The following SHBG variants were observed in gnomAD, a reference collection of about 807,000 sequenced individuals.
The protein encoded by SHBG is sex hormone binding globulin.
Under a neutral mutation model 41.9 loss-of-function variants are expected in SHBG, and 37 were observed. The ratio of observed to expected loss-of-function variants is 0.88; its 90% CI spans 0.68 to 1.16. The LOEUF (loss-of-function observed/expected upper bound fraction) is 1.16, where lower values mean the gene tolerates loss of function less well. Among genes scored for constraint, SHBG ranks in the 50% most tolerant of loss-of-function variants. The probability of loss-of-function intolerance (pLI) is 0.00; values close to 1 mark genes in which losing one functional copy is unlikely to be tolerated. For synonymous variants in SHBG, 217 were observed against 205.8 expected (o/e 1.05, Z -0.47); for missense variants, 466 against 499.9 (o/e 0.93, Z 0.65).
Position 7,633,365 on chromosome 17 carries a change from G to C in SHBG, c.*13G>C, listed in dbSNP as rs1048151295. ...CGCTTCCCATTAAAGCTCCACCTAAGAACCCCCTTTGAAAGTTACTGATTA... is the reference window on the plus strand; with the variant it reads ...CGCTTCCCATTAAAGCTCCACCTAACAACCCCCTTTGAAAGTTACTGATTA... On this transcript the variant is annotated 3_prime_UTR_variant, in exon 8 of 8. Transcript: ENST00000380450. 6.2e-6 allele frequency: 10 copies of C among 1,612,298 alleles called. No individual in the cohort carries two copies. The highest frequency in any genetic ancestry group is 1.3e-5 in the African/African-American group (1 of 74,516).
intron 3 of SHBG, 109 bp from the exon 4 acceptor site, chr17:7,631,091 G>T: frequency 8.4e-7 from 1 of 1,192,086 alleles, no homozygotes; most frequent in South Asian, 1.6e-5. Flanking sequence ...AAGGATGCTA[G>T]CTGCTTCTTT....
chr17:7,628,102 C>T (rs952154653), upstream of SHBG: 1 of 464,178 alleles, frequency 2.2e-6, no homozygotes, highest in South Asian at 1.5e-5. Flanking sequence ...TTGACATATG[C>T]AGTGATAACC....
At position 7,630,551 on chromosome 17, in the gene SHBG, C is replaced by T; in HGVS notation, c.203+44C>T. On this transcript the variant is annotated intron_variant, in intron 2 of 7. Transcript: ENST00000380450. The surrounding 1 kb of genome is among the most constrained non-coding windows in gnomAD (Gnocchi z 4.6). ...CCTTGACCCAGTCCCCTGGTTCTGC[C>T]CTCTCTCCATCAGCTCTTCTCTTTT... is the stretch of plus-strand genomic sequence containing the variant. 6.4e-7 allele frequency: 1 copy of T among 1,571,740 alleles called. No individual in the cohort carries two copies. The highest frequency in any genetic ancestry group is 8.8e-7 in the Non-Finnish European group (1 of 1,141,612).
At chr17:7,627,765 G>C (rs766077218), upstream of SHBG, 1 of 1,037,004 alleles carries the variant, frequency 9.6e-7, no homozygotes. The surrounding 1 kb of genome is among the most constrained non-coding windows in gnomAD (Gnocchi z 4.8). Flanking sequence ...GGGGGACGGC[G>C]GGGTAGCCGC....
chr17:7,620,357 C>T (rs1468316182), intron 1 of SHBG, among the ~76,000 whole-genome samples: 2 of 152,048 alleles, frequency 1.3e-5, no homozygotes, highest in African/African-American at 4.8e-5. Flanking sequence ...TACTCTGTTG[C>T]CTAGGCTAGA....
At chr17:7,623,958 GGTTT>G (rs1042286704), upstream of SHBG, among the ~76,000 whole-genome samples, 5 of 151,842 alleles carry the variant, frequency 3.3e-5, no homozygotes, top group African/African-American at 1.2e-4. Context: ...GTTTTCTTTG[GGTTT>G]GTTTGTTTGT....
chr17:7,620,554 C>T lies in SHBG; in HGVS notation c.-62+6443C>T, dbSNP rs528717695. Among the ~76,000 whole-genome samples the T allele has an allele frequency of 7.2e-5, 11 of 152,142 alleles. 1 individual carries two copies. Among genetic ancestry groups the T allele is most frequent in the African/African-American group, 2.7e-4 (11 of 41,492 alleles). The stretch of plus-strand genomic sequence containing the variant: ...CAGGCTGGTCTCGAACTCCTGACCT[C>T]AAGTGATCCACCCGCCTCAGCCTTC... On this transcript the variant is annotated intron_variant, in intron 1 of 5. Coordinates refer to the SHBG transcript ENST00000570547.
chr17:7,621,094 C>CAAAA (rs61026446), intron 1 of SHBG, among the ~76,000 whole-genome samples: 11 of 52,294 alleles, frequency 2.1e-4, no homozygotes, highest in Non-Finnish European at 2.6e-4. Flanking sequence ...GACCCTGTCA[C>CAAAA]AAAAAAAAAA....
rs1200867673 is a variant in SHBG at position 7,633,229 on chromosome 17, C to T, written c.1086C>T (p.Cys362=). ...GAGAAGACTCTTCCACCTCTTTTTG[C>T]CTGAATGGCCTTTGGGCACAAGGTC... The part of the protein sequence containing the change: ...LPGEDSSTSF[C]LNGLWAQGQR... Residue 362 remains cysteine (C), a synonymous_variant, in exon 8 of 8, where the codon TGC becomes TGT. Transcript: ENST00000380450. The T allele has an allele frequency of 1.2e-6, 2 of 1,614,002 alleles. No individual in the cohort carries two copies. The highest frequency in any genetic ancestry group is 1.7e-6 in the Non-Finnish European group (2 of 1,180,026).
rs1392219155 is a variant in SHBG at position 7,631,185 on chromosome 17, C to T, written c.394-15C>T. ...ATCCCAGGGGCCTCTGATTTTGCTTCCCACCTTCCTGCAGGTGGAAGTCAA... is the reference window on the plus strand; with the variant it reads ...ATCCCAGGGGCCTCTGATTTTGCTTTCCACCTTCCTGCAGGTGGAAGTCAA... On this transcript the variant is annotated splice_polypyrimidine_tract_variant and intron_variant, in intron 3 of 7. Transcript: ENST00000380450. The T allele has an allele frequency of 6.5e-7, 1 of 1,534,234 alleles. No individual in the cohort carries two copies. Among genetic ancestry groups the T allele is most frequent in the African/African-American group, 1.4e-5 (1 of 72,560 alleles).
Position 7,630,719 on chromosome 17 carries a change from G to A in SHBG, c.243G>A (p.Glu81=). The A allele has an allele frequency of 6.2e-7, 1 of 1,614,128 alleles. No individual in the cohort carries two copies. The highest frequency in any genetic ancestry group is 8.5e-7 in the Non-Finnish European group (1 of 1,180,026). The change falls in exon 3 of 8, where the codon GAG becomes GAA. Residue 81 remains glutamate, a synonymous_variant. Transcript: ENST00000380450. This position sits in a 1 kb window ranked among gnomAD's most constrained non-coding sequence, Gnocchi z 4.6. ...SSFEVRTWDP[E]GVIFYGDTNP... is the part of the protein sequence containing the mutation. ...TTGAGGTTCGAACCTGGGACCCAGA[G>A]GGAGTGATTTTTTATGGGGATACCA...
chr17:7,627,941 C>CT, upstream of SHBG: 1 of 545,512 alleles, frequency 1.8e-6, no homozygotes, highest in South Asian at 1.7e-5. The surrounding 1 kb of genome is among the most constrained non-coding windows in gnomAD (Gnocchi z 4.8). Context: ...GCGTCCCCCC[C>CT]AAGCCCCACC....
upstream of SHBG, chr17:7,627,639 G>A: frequency 6.2e-7 from 1 of 1,614,008 alleles, no homozygotes; most frequent in South Asian, 1.1e-5. This position sits in a 1 kb window ranked among gnomAD's most constrained non-coding sequence, Gnocchi z 4.8. Context: ...AAGCCATCCG[G>A]ATCCCCGCTG....
rs748653283 is a variant in SHBG, at chr17:7,630,450, AT to A, written c.147del (p.Asn49LysfsTer11). Reference protein sequence around the residue: ...AHDPPAVHLSNGPGQEPIAVM... With the variant: ...AHDPPAVHLSXGPGQEPIAVM... ...GACCCTCCGGCTGTCCACCTCAGCAATGGCCCAGGACAAGAGCCTATCGCTG... is the reference window on the plus strand; with the variant it reads ...GACCCTCCGGCTGTCCACCTCAGCAAGGCCCAGGACAAGAGCCTATCGCTG... On this transcript the variant is annotated frameshift_variant, in exon 2 of 8. Coordinates refer to ENST00000380450, the MANE Select transcript of SHBG (RefSeq NM_001040.5). LOFTEE classifies it high-confidence loss of function. This position sits in a 1 kb window ranked among gnomAD's most constrained non-coding sequence, Gnocchi z 4.6. The A allele has an allele frequency of 8.1e-6, 13 of 1,614,038 alleles. No individual in the cohort carries two copies. Among genetic ancestry groups the A allele is most frequent in the Non-Finnish European group, 1.1e-5 (13 of 1,180,022 alleles).
chr17:7,626,253 T>C, upstream of SHBG: 1 of 597,164 alleles, frequency 1.7e-6, no homozygotes, highest in Non-Finnish European at 2.9e-6. Flanking sequence ...GTAATTCTTA[T>C]TTATTTTTCA....
At chr17:7,633,084 G>C (rs373709794) in intron 7 of SHBG, 120 bp from the exon 8 acceptor site, 1 of 1,414,250 alleles carries the variant, frequency 7.1e-7, no homozygotes, top group South Asian at 1.2e-5. Flanking sequence ...AGAAGATATG[G>C]GGGCAGTGGA....
At chr17:7,631,425 C>A (rs1025848294) in intron 4 of SHBG, 64 bp downstream of exon 4, 2 of 1,588,728 alleles carry the variant, frequency 1.3e-6, no homozygotes, top group Admixed American at 1.7e-5. Flanking sequence ...GGTGGCTGGC[C>A]GTGGGAATCT....
upstream of SHBG, chr17:7,628,189 T>C (rs909360666): frequency 6.6e-6 from 3 of 455,988 alleles, no homozygotes; most frequent in Non-Finnish European, 1.3e-5. Flanking sequence ...AGCTGTTTCC[T>C]GCAGCTCTTG....
chr17:7,629,591 A>T (rs2072335056), upstream of SHBG, among the ~76,000 whole-genome samples: 1 of 152,002 alleles, frequency 6.6e-6, no homozygotes, highest in Non-Finnish European at 1.5e-5. Context: ...AGACTGGGGG[A>T]GGAGTTCAGA....
Sources: allele counts gnomAD v4.1 joint callset (sites outside exome capture counted in the v4.1 genomes callset), GRCh38; gene constraint gnomAD v4.1.1; non-coding constraint Gnocchi (gnomAD v3.1); transcripts MANE v1.5; gene names NCBI Gene and HGNC (gene_info 2026-07-23, HGNC 2026-07-21).